Variants in PGAP1 observed in about 807,000 individuals in gnomAD.
The protein encoded by PGAP1 is GPI inositol-deacylase.
A neutral mutation model predicts 127.0 loss-of-function variants in PGAP1; 76 were observed. That is an observed-to-expected ratio of 0.60 (90% CI 0.50 to 0.72). The LOEUF (loss-of-function observed/expected upper bound fraction) is 0.72, where lower values mean the gene tolerates loss of function less well. Ranked by LOEUF, PGAP1 falls within the 30% of genes least tolerant of loss-of-function variation. The pLI is 0.00. For synonymous variants in PGAP1, 362 were observed against 366.5 expected (o/e 0.99, Z 0.14); for missense variants, 982 against 1,071.3 (o/e 0.92, Z 1.16).
At position 196,840,014 on chromosome 2, in the gene PGAP1, T is replaced by C. The variant is rs981745980; in HGVS notation, c.*1220A>G. ...GTTTACGCTATCCTAAGGCAAAGAG[T>C]ATACTCTTCTGCCTTGCCGATTACC... On this transcript the variant is annotated 3_prime_UTR_variant, in exon 27 of 27. Transcript: ENST00000354764. 3.9e-5 allele frequency: 6 copies of C among 152,148 alleles called. No homozygotes were observed. The highest frequency in any genetic ancestry group is 1.4e-4 in the African/African-American group (6 of 41,436). The allele number at this position is 152,148 out of a possible 1,614,324, so 9.4% of individuals were successfully genotyped here. A position where few individuals can be genotyped will look rare whatever the true frequency, so the allele number is the denominator to read the frequency against.
intron 14 of PGAP1, 76 bp from the exon 15 acceptor site, chr2:196,873,834 T>G (rs1701478313): frequency 1.0e-6 from 1 of 967,598 alleles, no homozygotes; most frequent in African/African-American, 1.6e-5. Flanking sequence ...TTAATTAGCA[T>G]TAAGACAATG....
At position 196,847,998 on chromosome 2, in the gene PGAP1, G is replaced by A. The variant is rs1700608101; in HGVS notation, c.1901C>T (p.Ala634Val). The A allele has an allele frequency of 6.2e-7, 1 of 1,602,096 alleles. No homozygotes were observed. ...LEYATMLDKE[A>V]KPYKVDPFVI... ...AAAAGGATCAACTTTGTATGGTTTG[G>A]CTTCTTTATCCAACATGGTAGCATA... The change falls in exon 21 of 27, where the codon GCC (alanine) becomes GTC (valine). Residue 634 changes from alanine (A) to valine (V), a missense_variant. Ala to Val is a moderately conservative substitution (Grantham distance 64). Transcript: ENST00000354764.
intron 18 of PGAP1, among the ~76,000 whole-genome samples, chr2:196,871,520 T>A (rs966434228): frequency 6.6e-5 from 10 of 152,150 alleles, no homozygotes; most frequent in African/African-American, 2.4e-4. Context: ...CAAATTTTTA[T>A]CACAATTTTT....
At position 196,841,059 on chromosome 2, in the gene PGAP1, C is replaced by G. The variant is rs1252290966; in HGVS notation, c.*175G>C. 7 of 724,454 alleles carry G rather than the reference C, an allele frequency of 9.7e-6. No homozygotes were observed. In the African/African-American group the frequency reaches 1.2e-4, roughly 13 times the overall value. 44.9% of individuals were successfully genotyped at this position (724,454 alleles called of 1,614,324 possible). On this transcript the variant is annotated 3_prime_UTR_variant, in exon 27 of 27. Coordinates refer to ENST00000354764, the MANE Select transcript of PGAP1 (RefSeq NM_024989.4). ...TGGATTCCACACCACAAAACAAAAC[C>G]ATGCTTCAACTACTTCCCTCAAACA...
chr2:196,913,542 C>T (rs1029375097), intron 3 of PGAP1, among the ~76,000 whole-genome samples: 7 of 152,172 alleles, frequency 4.6e-5, no homozygotes, highest in African/African-American at 9.7e-5. Flanking sequence ...GGTTTAAAAA[C>T]GAAGCAGCAT....
At chr2:196,898,647 C>T (rs1470923528) in intron 5 of PGAP1, among the ~76,000 whole-genome samples, 2 of 152,088 alleles carry the variant, frequency 1.3e-5, no homozygotes, top group African/African-American at 4.8e-5. Context: ...ACCACAGACT[C>T]CTAAAGTTTA....
In PGAP1 at chr2:196,835,690, T is replaced by C. The variant is rs1359925237; in HGVS notation, c.*5544A>G. 1.3e-5 allele frequency: 2 copies of C among 152,504 alleles called. No individual in the cohort carries two copies. The highest frequency in any genetic ancestry group is 4.1e-4 in the South Asian group (2 of 4,834). The allele number at this position is 152,504 out of a possible 1,614,324, so 9.4% of individuals were successfully genotyped here. A position where few individuals can be genotyped will look rare whatever the true frequency, so the allele number is the denominator to read the frequency against. On this transcript the variant is annotated 3_prime_UTR_variant, in exon 27 of 27. Coordinates refer to ENST00000354764, the MANE Select transcript of PGAP1 (RefSeq NM_024989.4). The stretch of plus-strand genomic sequence containing the variant: ...TAAGAAAAGTTCATTGGCACAAATA[T>C]CCAGAGGTATTTTACAGTTTCATTT...
chr2:196,892,478 G>T, intron 8 of PGAP1, 77 bp from the exon 9 acceptor site: 1 of 659,458 alleles, frequency 1.5e-6, no homozygotes, highest in Non-Finnish European at 2.7e-6. Flanking sequence ...TTGAATCCTG[G>T]TGAAATACTT....
rs888206958 is a variant in PGAP1 at position 196,899,862 on chromosome 2, C to T, written c.808-1493G>A. On this transcript the variant is annotated intron_variant, in intron 5 of 26. Transcript: ENST00000354764. The stretch of plus-strand genomic sequence containing the variant: ...CAGCCTGGCTAACATGGTGAAACCG[C>T]ATCTCTACTAAAAAAATTTCAAAAA... Among the ~76,000 whole-genome samples, 8 of 152,232 alleles carry T rather than the reference C, an allele frequency of 5.3e-5. No individual in the cohort carries two copies. The South Asian group carries it at 1.0e-3, about 20-fold the overall frequency.
At chr2:196,854,806 C>G (rs1700826654) in intron 20 of PGAP1, among the ~76,000 whole-genome samples, 1 of 152,080 alleles carries the variant, frequency 6.6e-6, no homozygotes, top group Admixed American at 6.6e-5. Context: ...AAGACAGGGT[C>G]TCACTCTGTT....
At chr2:196,888,511 A>G (rs776300968) in intron 10 of PGAP1, among the ~76,000 whole-genome samples, 1 of 152,192 alleles carries the variant, frequency 6.6e-6, no homozygotes, top group Non-Finnish European at 1.5e-5. Flanking sequence ...TACAGAAAAC[A>G]TAGGGGATAG....
intron 1 of PGAP1, among the ~76,000 whole-genome samples, chr2:196,920,510 T>C (rs1299058785): frequency 1.3e-5 from 2 of 152,182 alleles, no homozygotes; most frequent in African/African-American, 4.8e-5. Flanking sequence ...TACTTAGAAA[T>C]GATAAAGGCT....
At chr2:196,916,727 T>G in intron 2 of PGAP1, 134 bp from the exon 3 acceptor site, 1 of 805,966 alleles carries the variant, frequency 1.2e-6, no homozygotes, top group Non-Finnish European at 1.8e-6. Context: ...TGAAATTCAT[T>G]AATAGCACCA....
chr2:196,917,222 A>C (rs771611150), intron 2 of PGAP1, among the ~76,000 whole-genome samples: 2 of 152,186 alleles, frequency 1.3e-5, no homozygotes, highest in African/African-American at 2.4e-5. Context: ...ATCTTTTTAA[A>C]AAATATATTA....
chr2:196,905,844 G>A (rs1433041393), intron 4 of PGAP1, among the ~76,000 whole-genome samples: 2 of 118,854 alleles, frequency 1.7e-5, no homozygotes, highest in East Asian at 2.4e-4. Flanking sequence ...GGTGACGGAC[G>A]CACCTGGAAA....
intron 6 of PGAP1, among the ~76,000 whole-genome samples, chr2:196,897,596 G>A (rs959383977): frequency 1.3e-5 from 2 of 152,192 alleles, no homozygotes; most frequent in Non-Finnish European, 2.9e-5. Context: ...ATCAGGGGCT[G>A]CCTATTTCTT....
chr2:196,869,745 A>T (rs1052195163), intron 19 of PGAP1, among the ~76,000 whole-genome samples: 2 of 152,222 alleles, frequency 1.3e-5, no homozygotes, highest in African/African-American at 4.8e-5. Context: ...ATTAACTTAG[A>T]ATTTTATAAT....
chr2:196,919,552 C>A (rs1316131436), intron 2 of PGAP1, among the ~76,000 whole-genome samples: 1 of 152,114 alleles, frequency 6.6e-6, no homozygotes, highest in African/African-American at 2.4e-5. Flanking sequence ...TTCTATGTTC[C>A]CCCCAGTACT....
At chr2:196,858,469 T>C (rs1700960969) in intron 20 of PGAP1, among the ~76,000 whole-genome samples, 1 of 152,202 alleles carries the variant, frequency 6.6e-6, no homozygotes, top group South Asian at 2.1e-4. Context: ...ATTAAAATAT[T>C]CCTTGAGACA....
Sources: allele counts gnomAD v4.1 joint callset (sites outside exome capture counted in the v4.1 genomes callset), GRCh38; gene constraint gnomAD v4.1.1; transcripts MANE v1.5; gene names NCBI Gene and HGNC (gene_info 2026-07-23, HGNC 2026-07-21).